The following FHOD3 variants were observed in gnomAD, a reference collection of about 807,000 sequenced individuals.
The protein encoded by FHOD3 is FH1/FH2 domain-containing protein 3.
A neutral mutation model predicts 173.0 loss-of-function variants in FHOD3; 90 were observed. The ratio of observed to expected loss-of-function variants is 0.52; its 90% confidence interval spans 0.44 to 0.62. The LOEUF (loss-of-function observed/expected upper bound fraction) is 0.62. Ranked by LOEUF, FHOD3 falls within the 20% of genes least tolerant of loss-of-function variation. The pLI is 0.00. For missense variants in FHOD3, 1,945 were observed against 2,034.7 expected (o/e 0.96, Z 0.85); for synonymous variants, 828 against 823.0 (o/e 1.01, Z -0.10).
chr18:36,303,297 A>G (rs1468395287), intron 1 of FHOD3, among the ~76,000 whole-genome samples: 1 of 152,034 alleles, frequency 6.6e-6, no homozygotes, highest in Non-Finnish European at 1.5e-5. Context: ...TCCAAATCCT[A>G]TTGTTAACTC....
At chr18:36,594,615 C>T (rs1235248820) in intron 6 of FHOD3, among the ~76,000 whole-genome samples, 172 bp from the exon 7 acceptor site, 1 of 152,050 alleles carries the variant, frequency 6.6e-6, no homozygotes, top group African/African-American at 2.4e-5. Flanking sequence ...GGTACTAACA[C>T]CTGCCTTCTG....
chr18:36,465,594 G>A (rs955422198), intron 3 of FHOD3, among the ~76,000 whole-genome samples: 15 of 152,136 alleles, frequency 9.9e-5, no homozygotes, highest in African/African-American at 3.6e-4. Flanking sequence ...ATGGTGGAAG[G>A]CTTGGCTGAT....
chr18:36,683,856 C>T (rs1489303326), intron 15 of FHOD3, among the ~76,000 whole-genome samples: 1 of 152,198 alleles, frequency 6.6e-6, no homozygotes, highest in East Asian at 1.9e-4. Context: ...CTAGGCATAT[C>T]ACTTTGCTCT....
intron 3 of FHOD3, among the ~76,000 whole-genome samples, chr18:36,495,476 A>G (rs1397701022): frequency 6.6e-6 from 1 of 152,158 alleles, no homozygotes; most frequent in Non-Finnish European, 1.5e-5. Flanking sequence ...AACTCACGAG[A>G]AAAGTTTGGG....
intron 16 of FHOD3, chr18:36,692,912 T>C (rs2039048045): frequency 2.5e-6 from 1 of 397,864 alleles, no homozygotes; most frequent in African/African-American, 2.0e-5. Flanking sequence ...GTTTTGCTTA[T>C]TTACAAATGT....
intron 18 of FHOD3, among the ~76,000 whole-genome samples, chr18:36,713,008 C>A (rs2040255455): frequency 6.6e-6 from 1 of 152,166 alleles, no homozygotes; most frequent in Admixed American, 6.5e-5. Flanking sequence ...ACTATAAATT[C>A]TATATCCCTC....
chr18:36,634,824 T>C lies in FHOD3; in HGVS notation c.1196+9075T>C, dbSNP rs189687566. Among the ~76,000 whole-genome samples, 143 of 144,998 alleles carry C rather than the reference T, an allele frequency of 9.9e-4. 1 individual carries two copies. The highest frequency in any genetic ancestry group is 4.2e-3 in the Admixed American group (62 of 14,854). ...CCTGAAGCATTCACGGATATTACTC[T>C]GTTAAGGTAATTGTTAAATGAATAT... On this transcript the variant is annotated intron_variant, in intron 10 of 28. Transcript: ENST00000590592.
At chr18:36,494,154 G>T (rs1403625936) in intron 3 of FHOD3, among the ~76,000 whole-genome samples, 4 of 151,820 alleles carry the variant, frequency 2.6e-5, no homozygotes, top group African/African-American at 9.7e-5. Context: ...TTTCTTCATT[G>T]TGCTCTTGGC....
At chr18:36,718,991 G>T (rs1266286996) in intron 19 of FHOD3, among the ~76,000 whole-genome samples, 1 of 152,204 alleles carries the variant, frequency 6.6e-6, no homozygotes, top group Non-Finnish European at 1.5e-5. Flanking sequence ...GACAAAAATG[G>T]TCAACTAAGG....
intron 22 of FHOD3, 53 bp from the exon 23 acceptor site, chr18:36,743,979 T>G: frequency 6.2e-7 from 1 of 1,600,128 alleles, no homozygotes; most frequent in South Asian, 1.1e-5. Context: ...CATCCTGTGC[T>G]ATTCTCTAAG....
chr18:36,697,471 C>G (rs929238864), intron 17 of FHOD3, among the ~76,000 whole-genome samples: 2 of 152,090 alleles, frequency 1.3e-5, no homozygotes, highest in Admixed American at 6.5e-5. Flanking sequence ...GAGCTTGATA[C>G]TCTCCATATT....
chr18:36,344,843 G>A (rs2045804042), intron 1 of FHOD3, among the ~76,000 whole-genome samples: 1 of 152,026 alleles, frequency 6.6e-6, no homozygotes, highest in Non-Finnish European at 1.5e-5. Flanking sequence ...ACTAAAAGAA[G>A]ACTATCCATG....
In FHOD3 at chr18:36,769,321, G is replaced by A. The variant is rs2043272851; in HGVS notation, c.4681G>A (p.Ala1561Thr). The A allele has an allele frequency of 6.2e-7, 1 of 1,614,064 alleles. No homozygotes were observed. The highest frequency in any genetic ancestry group is 8.5e-7 in the Non-Finnish European group (1 of 1,180,046). The change falls in exon 28 of 29, where the codon GCA (alanine) becomes ACA (threonine). Residue 1561 changes from alanine (A) to threonine (T), a missense_variant. Coordinates refer to ENST00000590592, the MANE Select transcript of FHOD3 (RefSeq NM_001281740.3). The stretch of plus-strand genomic sequence containing the variant: ...TGACTCGCCCAATGTCACAGATGAT[G>A]CAGCTGATGAGATCATGGACCGCAT... ...TDDSPNVTDD[A>T]ADEIMDRIVK...
chr18:36,535,320 G>A (rs1022614308), intron 5 of FHOD3, among the ~76,000 whole-genome samples: 2 of 152,182 alleles, frequency 1.3e-5, no homozygotes, highest in African/African-American at 4.8e-5. Flanking sequence ...GTCTGCCCCT[G>A]GAGCTGCAAG....
At chr18:36,550,856 G>T (rs181934086) in intron 5 of FHOD3, among the ~76,000 whole-genome samples, 1 of 152,048 alleles carries the variant, frequency 6.6e-6, no homozygotes, top group African/African-American at 2.4e-5. Context: ...TGATCATGTC[G>T]TCTGTGAATA....
rs1207070288 is a variant in FHOD3 at position 36,718,551 on chromosome 18, A to G, written c.3253A>G (p.Thr1085Ala). 2 of 1,614,000 alleles carry G rather than the reference A, an allele frequency of 1.2e-6. No individual in the cohort carries two copies. Among genetic ancestry groups the G allele is most frequent in the East Asian group, 2.2e-5 (1 of 44,874 alleles). Residue 1085 changes from threonine (T) to alanine (A), a missense_variant, in exon 19 of 29, where the codon ACC becomes GCC. Transcript: ENST00000590592. ...GCCCACATTCACTAAGAAAAAGAAG[A>G]CCATCCGTTTGTTCTGGAATGAAGT... ...GQPTFTKKKK[T>A]IRLFWNEVRP...
At chr18:36,471,388 C>T (rs2053276195) in intron 3 of FHOD3, among the ~76,000 whole-genome samples, 1 of 152,178 alleles carries the variant, frequency 6.6e-6, no homozygotes, top group African/African-American at 2.4e-5. Context: ...CACCTCCTCC[C>T]AGAAGGCTTC....
chr18:36,462,186 G>T (rs535840432), intron 3 of FHOD3, among the ~76,000 whole-genome samples: 5 of 152,262 alleles, frequency 3.3e-5, no homozygotes, highest in Admixed American at 2.0e-4. Context: ...CACCAGTGGG[G>T]TTGTTCACTC....
intron 19 of FHOD3, among the ~76,000 whole-genome samples, chr18:36,729,983 C>T (rs144484168): frequency 4.6e-5 from 7 of 152,294 alleles, no homozygotes; most frequent in Non-Finnish European, 8.8e-5. Flanking sequence ...TAAGCTGGTT[C>T]GTCCCCTATT....
Sources: allele counts gnomAD v4.1 joint callset (sites outside exome capture counted in the v4.1 genomes callset), GRCh38; gene constraint gnomAD v4.1.1; transcripts MANE v1.5; gene names NCBI Gene and HGNC (gene_info 2026-07-23, HGNC 2026-07-21).